XPR1: variants seen among roughly 807,000 people sequenced by gnomAD.
XPR1 encodes the protein solute carrier family 53 member 1.
XPR1 carries 28 observed loss-of-function variants against 87.5 expected under a neutral mutation model. The observed-to-expected ratio is 0.32, with a 90% CI of 0.24 to 0.44. The LOEUF (loss-of-function observed/expected upper bound fraction) is 0.44. Among genes scored for constraint, XPR1 ranks in the 20% least tolerant of loss-of-function variants. The probability of loss-of-function intolerance (pLI) is 1.00; values close to 1 mark genes in which losing one functional copy is unlikely to be tolerated. For synonymous variants in XPR1, 300 were observed against 306.1 expected, an observed-to-expected ratio of 0.98 and a Z score of 0.21; for missense variants, 559 against 862.3, an observed-to-expected ratio of 0.65 and a Z score of 4.41.
intron 2 of XPR1, among the ~76,000 whole-genome samples, chr1:180,688,313 T>C (rs910965768): frequency 6.6e-6 from 1 of 151,656 alleles, no homozygotes; most frequent in Non-Finnish European, 1.5e-5. Context: ...GGTCTCGAAC[T>C]CCTGACCTCA....
intron 4 of XPR1, among the ~76,000 whole-genome samples, chr1:180,804,666 C>A (rs535701320): frequency 3.9e-5 from 6 of 152,090 alleles, no homozygotes; most frequent in Admixed American, 1.3e-4. Flanking sequence ...CTGCAGTAAT[C>A]TTAAATTGTT....
At chr1:180,681,942 G>T (rs1029761212) in intron 1 of XPR1, among the ~76,000 whole-genome samples, 2 of 152,166 alleles carry the variant, frequency 1.3e-5, no homozygotes, top group Non-Finnish European at 2.9e-5. Context: ...TAGTTAAAAT[G>T]GTGAATTTTA....
At chr1:180,650,800 T>G (rs1201256303) in intron 1 of XPR1, among the ~76,000 whole-genome samples, 1 of 152,174 alleles carries the variant, frequency 6.6e-6, no homozygotes, top group African/African-American at 2.4e-5. Context: ...AGTGATTTTC[T>G]CTCTCTGAGT....
intron 2 of XPR1, among the ~76,000 whole-genome samples, chr1:180,773,814 A>G (rs1481557281): frequency 6.6e-6 from 1 of 152,196 alleles, no homozygotes; most frequent in Non-Finnish European, 1.5e-5. Flanking sequence ...GTCTATATGT[A>G]ATTAAGAGCC....
At chr1:180,852,587 C>CA (rs1233641822) in intron 11 of XPR1, among the ~76,000 whole-genome samples, 1 of 152,210 alleles carries the variant, frequency 6.6e-6, no homozygotes, top group East Asian at 1.9e-4. Flanking sequence ...CTCACTCTGT[C>CA]ACCCAGGCAG....
chr1:180,683,233 G>A (rs1267943568), intron 2 of XPR1, among the ~76,000 whole-genome samples: 1 of 151,176 alleles, frequency 6.6e-6, no homozygotes, highest in Non-Finnish European at 1.5e-5. Context: ...TTTTGTCCTT[G>A]CGATAGTTTG....
chr1:180,773,776 A>G (rs1193098568), intron 2 of XPR1, among the ~76,000 whole-genome samples: 2 of 152,172 alleles, frequency 1.3e-5, no homozygotes, highest in African/African-American at 4.8e-5. Context: ...GCTATAAAGT[A>G]TGCTTCAGTT....
chr1:180,760,034 G>A (rs1647944784), intron 2 of XPR1, among the ~76,000 whole-genome samples: 1 of 152,144 alleles, frequency 6.6e-6, no homozygotes, highest in Admixed American at 6.5e-5. Flanking sequence ...CTCAATAGAT[G>A]CAGAAAAGGC....
chr1:180,649,888 A>G (rs1265262946), intron 1 of XPR1, among the ~76,000 whole-genome samples: 2 of 152,068 alleles, frequency 1.3e-5, no homozygotes, highest in Admixed American at 1.3e-4. Flanking sequence ...GTCCTCCTAT[A>G]TTTAGCCATG....
At chr1:180,783,433 A>G (rs1649017254) in intron 2 of XPR1, among the ~76,000 whole-genome samples, 2 of 152,008 alleles carry the variant, frequency 1.3e-5, no homozygotes, top group African/African-American at 4.8e-5. Context: ...ATGGGTTCAA[A>G]CAATTTAATA....
At position 180,873,949 on chromosome 1, in the gene XPR1, A is replaced by G; in HGVS notation, c.1808+7A>G. On this transcript the variant is annotated splice_region_variant and intron_variant, in intron 13 of 14. Transcript: ENST00000367590. ...CCCCACTTGAGGTTTTCCGGTAAGC[A>G]AACTACTGAAAAGTTTATTAAAGAT... 1 of 1,609,210 alleles carries G rather than the reference A, an allele frequency of 6.2e-7. No homozygotes were observed. The highest frequency in any genetic ancestry group is 1.1e-5 in the South Asian group (1 of 89,762).
intron 2 of XPR1, among the ~76,000 whole-genome samples, chr1:180,780,498 T>A (rs1244242939): frequency 6.6e-6 from 1 of 152,184 alleles, no homozygotes; most frequent in Non-Finnish European, 1.5e-5. Flanking sequence ...TTTTTAAAAA[T>A]TTGGTTATAT....
intron 11 of XPR1, among the ~76,000 whole-genome samples, chr1:180,853,644 C>A (rs1295597119): frequency 1.3e-5 from 2 of 151,424 alleles, no homozygotes; most frequent in Admixed American, 6.6e-5. Flanking sequence ...CACACACACA[C>A]ACACACACAC....
chr1:180,828,089 C>G (rs1486179174), intron 9 of XPR1, among the ~76,000 whole-genome samples: 2 of 151,910 alleles, frequency 1.3e-5, no homozygotes, highest in Non-Finnish European at 2.9e-5. Context: ...TGTTGCCCAG[C>G]TGGTCTCGAA....
chr1:180,632,416 C>G (rs2101887227), intron 1 of XPR1, 146 bp downstream of exon 1: 2 of 1,080,200 alleles, frequency 1.9e-6, no homozygotes, highest in African/African-American at 1.6e-5. Context: ...GCGGCATCCC[C>G]GCCGCGGCCG....
intron 2 of XPR1, among the ~76,000 whole-genome samples, chr1:180,734,510 T>C (rs1049032287): frequency 3.9e-5 from 6 of 152,136 alleles, no homozygotes; most frequent in African/African-American, 1.4e-4. Flanking sequence ...GAAGTTTCAA[T>C]TCCTTGATCT....
intron 2 of XPR1, among the ~76,000 whole-genome samples, chr1:180,750,894 C>T (rs1034578425): frequency 6.6e-6 from 1 of 151,990 alleles, no homozygotes; most frequent in Admixed American, 6.6e-5. Context: ...TACACTTCTG[C>T]ATTTATTTAG....
At chr1:180,688,396 T>G (rs1375049581) in intron 2 of XPR1, among the ~76,000 whole-genome samples, 1 of 151,986 alleles carries the variant, frequency 6.6e-6, no homozygotes, top group African/African-American at 2.4e-5. Context: ...GCCTATTGAT[T>G]TTTTAAATAA....
intron 12 of XPR1, among the ~76,000 whole-genome samples, chr1:180,873,261 C>T (rs1652562119): frequency 6.6e-6 from 1 of 152,190 alleles, no homozygotes; most frequent in African/African-American, 2.4e-5. Flanking sequence ...GCACCGTCTT[C>T]CCCATGTAAA....
Sources: allele counts gnomAD v4.1 joint callset (sites outside exome capture counted in the v4.1 genomes callset), GRCh38; gene constraint gnomAD v4.1.1; transcripts MANE v1.5; gene names NCBI Gene and HGNC (gene_info 2026-07-23, HGNC 2026-07-21).